Variants in CFAP74 observed in about 807,000 individuals in gnomAD.
CFAP74 encodes the protein cilia and flagella associated protein 74, also known as cilia- and flagella-associated protein 74.
A neutral mutation model predicts 188.9 loss-of-function variants in CFAP74; 124 were observed. That is an observed-to-expected ratio of 0.66 (90% CI 0.57 to 0.76). The LOEUF (loss-of-function observed/expected upper bound fraction) is 0.76. Ranked by LOEUF, CFAP74 falls within the 30% of genes least tolerant of loss-of-function variation. The pLI, the probability that CFAP74 is intolerant of heterozygous loss-of-function variation, is 0.00. For synonymous variants in CFAP74, 956 were observed against 916.7 expected, an observed-to-expected ratio of 1.04 and a Z score of -0.77; for missense variants, 2,198 against 2,165.2, an observed-to-expected ratio of 1.02 and a Z score of -0.30.
chr1:1,967,629 G>A (rs1161119072), intron 11 of CFAP74, among the ~76,000 whole-genome samples: 3 of 152,144 alleles, frequency 2.0e-5, no homozygotes, highest in African/African-American at 7.2e-5. Flanking sequence ...GAAGGGCACC[G>A]CAGAGACCCT....
chr1:1,987,832 G>T (rs908226715), intron 4 of CFAP74: 15 of 327,804 alleles, frequency 4.6e-5, no homozygotes, highest in Middle Eastern at 2.3e-3. Flanking sequence ...GAGCCACCGC[G>T]CCCGGCCATG....
At chr1:1,929,771 T>C (rs971042428) in intron 26 of CFAP74, among the ~76,000 whole-genome samples, 1 of 151,698 alleles carries the variant, frequency 6.6e-6, no homozygotes, top group Non-Finnish European at 1.5e-5. Context: ...CTGGGAGCCC[T>C]GGATGGGTTC....
At chr1:1,992,036 T>C (rs1161791863) in intron 1 of CFAP74, among the ~76,000 whole-genome samples, 1 of 122,940 alleles carries the variant, frequency 8.1e-6, no homozygotes, top group African/African-American at 5.2e-5. Context: ...CGAGACTCCG[T>C]CTCAAAAAAA....
Position 1,944,349 on chromosome 1 carries a change from G to A in CFAP74, c.2468C>T (p.Ser823Phe). 1 of 1,535,708 alleles carries A rather than the reference G, an allele frequency of 6.5e-7. No homozygotes were observed. Among genetic ancestry groups the A allele is most frequent in the South Asian group, 1.2e-5 (1 of 84,048 alleles). ...ICMYDRLYQDSVLVHTRSKAA... is the reference protein window; with the variant it reads ...ICMYDRLYQDFVLVHTRSKAA... ...GGCTCACCGCGTGTGCACGAGCACA[G>A]AGTCCTGGTAGAGCCGGTCATACAT... The change falls in exon 21 of 39, where the codon TCT (serine) becomes TTT (phenylalanine). Residue 823 changes from serine to phenylalanine, a missense_variant. By Grantham distance (155) the Ser-to-Phe change is radical (BLOSUM62 -2). Coordinates refer to ENST00000682832, the MANE Select transcript of CFAP74 (RefSeq NM_001304360.2).
intron 1 of CFAP74, among the ~76,000 whole-genome samples, chr1:2,001,792 T>C (rs1658223458): frequency 6.6e-6 from 1 of 152,194 alleles, no homozygotes; most frequent in African/African-American, 2.4e-5. Flanking sequence ...CCTCTGCGAC[T>C]TTCCTGTCCG....
At chr1:1,941,139 T>G (rs11485872) in intron 22 of CFAP74, among the ~76,000 whole-genome samples, 5,478 of 151,426 alleles carry the variant, frequency 0.036, 331 homozygotes, top group African/African-American at 0.12. Flanking sequence ...AAGAAAGAAA[T>G]ATCAGGAGAA....
intron 25 of CFAP74, among the ~76,000 whole-genome samples, chr1:1,934,206 G>T (rs1312535882): frequency 6.6e-6 from 1 of 152,262 alleles, no homozygotes; most frequent in Non-Finnish European, 1.5e-5. Flanking sequence ...GTGTAGAAGT[G>T]TGTGTATGTG....
At chr1:1,971,647 G>A (rs771931603) in intron 9 of CFAP74, among the ~76,000 whole-genome samples, 1 of 152,328 alleles carries the variant, frequency 6.6e-6, no homozygotes, top group Non-Finnish European at 1.5e-5. Flanking sequence ...TTCCCAGCCT[G>A]AATCCCCAGC....
At chr1:1,932,101 C>A (rs1436806537) in intron 25 of CFAP74, among the ~76,000 whole-genome samples, 10 of 108,242 alleles carry the variant, frequency 9.2e-5, no homozygotes, top group African/African-American at 2.8e-4. Flanking sequence ...AAACAAAAAA[C>A]TTAGAAAAAT....
Position 1,968,926 on chromosome 1 carries a change from C to T in CFAP74, c.1047-93G>A. On this transcript the variant is annotated intron_variant, in intron 10 of 38. Transcript: ENST00000682832. The surrounding 1 kb of genome is among the most constrained non-coding windows in gnomAD (Gnocchi z 4.3). ...GTGCCCGGCGGCCCCTCCCTAGCGC[C>T]CTCCTGGGGGCTCCGGTCCTGCCCA... 1 of 721,646 alleles carries T rather than the reference C, an allele frequency of 1.4e-6. No homozygotes were observed. Among genetic ancestry groups the T allele is most frequent in the African/African-American group, 2.1e-5 (1 of 46,710 alleles). The allele number at this position is 721,646 out of a possible 1,614,324, so 44.7% of individuals were successfully genotyped here. A position where few individuals can be genotyped will look rare whatever the true frequency, so the allele number is the denominator to read the frequency against.
At chr1:1,928,007 A>T (rs1291026213) in intron 27 of CFAP74, 1 of 497,872 alleles carries the variant, frequency 2.0e-6, no homozygotes, top group Non-Finnish European at 3.6e-6. Context: ...GGCGGCCAGA[A>T]CCGGGGTCCC....
chr1:1,954,909 CCTT>C (rs1293651207), intron 18 of CFAP74: 6 of 1,182,900 alleles, frequency 5.1e-6, no homozygotes, highest in East Asian at 6.1e-5. Context: ...TGCAGAACGG[CCTT>C]CGCAACAGTG....
chr1:1,987,177 C>T, intron 4 of CFAP74, 142 bp from the exon 5 acceptor site: 3 of 614,862 alleles, frequency 4.9e-6, no homozygotes, highest in Non-Finnish European at 8.4e-6. Flanking sequence ...CTCTCTAACA[C>T]CTTCAAGCCA....
chr1:1,950,158 CTTG>C (rs1490166415), intron 18 of CFAP74, among the ~76,000 whole-genome samples: 1 of 152,072 alleles, frequency 6.6e-6, no homozygotes, highest in Non-Finnish European at 1.5e-5. Flanking sequence ...TATTGTTAAA[CTTG>C]TTGTTCTTTG....
chr1:1,927,312 C>T (rs1651986531), intron 28 of CFAP74: 1 of 572,950 alleles, frequency 1.7e-6, no homozygotes, highest in Non-Finnish European at 3.1e-6. Flanking sequence ...GCCACAGGCA[C>T]CCATTAGAGC....
chr1:1,941,947 G>A (rs1441267904), intron 22 of CFAP74, 81 bp downstream of exon 22: 2 of 1,338,406 alleles, frequency 1.5e-6, no homozygotes, highest in Non-Finnish European at 9.7e-7. Flanking sequence ...GAGAACAGAG[G>A]AGTGGCCAGT....
intron 25 of CFAP74, among the ~76,000 whole-genome samples, chr1:1,930,819 G>A (rs1188269482): frequency 1.3e-5 from 2 of 152,144 alleles, no homozygotes; most frequent in South Asian, 2.1e-4. Flanking sequence ...TTTTAAAAAC[G>A]GATCTTTTTC....
In CFAP74 at chr1:1,971,977, T is replaced by C; in HGVS notation, c.888+3A>G. 1 of 1,606,878 alleles carries C rather than the reference T, an allele frequency of 6.2e-7. No individual in the cohort carries two copies. Among genetic ancestry groups the C allele is most frequent in the South Asian group, 1.1e-5 (1 of 91,070 alleles). On this transcript the variant is annotated splice_donor_region_variant and intron_variant, in intron 9 of 38. Coordinates refer to ENST00000682832, the MANE Select transcript of CFAP74 (RefSeq NM_001304360.2). ...GAGGCTGGGTGGGGCTGCGGGGGCC[T>C]ACCCGGTTCGCGGAGATGCTGCCCT...
At position 1,937,477 on chromosome 1, in the gene CFAP74, T is replaced by C. The variant is rs550259885; in HGVS notation, c.3011+1378A>G. ...GTCAGTAGGACCCAAATGTGGGCGATTGTTTGATGAAGGCACAGAGGAATT... is the reference window on the plus strand; with the variant it reads ...GTCAGTAGGACCCAAATGTGGGCGACTGTTTGATGAAGGCACAGAGGAATT... On this transcript the variant is annotated intron_variant, in intron 25 of 38. Transcript: ENST00000682832. Among the ~76,000 whole-genome samples the C allele has an allele frequency of 2.0e-5, 3 of 151,952 alleles. No individual in the cohort carries two copies. In the South Asian group the frequency reaches 6.2e-4, roughly 32 times the overall value.
Sources: allele counts gnomAD v4.1 joint callset (sites outside exome capture counted in the v4.1 genomes callset), GRCh38; gene constraint gnomAD v4.1.1; non-coding constraint Gnocchi (gnomAD v3.1); transcripts MANE v1.5; gene names NCBI Gene and HGNC (gene_info 2026-07-23, HGNC 2026-07-21).